Variants in LYPLA1 observed in about 807,000 individuals in gnomAD.
The protein encoded by LYPLA1 is lysophospholipase 1, also known as acyl-protein thioesterase 1.
LYPLA1 carries 17 observed loss-of-function variants against 34.0 expected under a neutral mutation model. The observed-to-expected ratio is 0.50, with a 90% CI of 0.34 to 0.75. The LOEUF (loss-of-function observed/expected upper bound fraction) is 0.75. LYPLA1 is among the 30% of genes least tolerant of loss of function. LYPLA1 has a pLI of 0.01. For missense variants in LYPLA1, 203 were observed against 288.8 expected (o/e 0.70, Z 2.15); for synonymous variants, 98 against 100.8 (o/e 0.97, Z 0.17).
chr8:54,101,088 T>TAA (rs2129377555), intron 1 of LYPLA1, 149 bp from the exon 2 acceptor site: 2 of 540,204 alleles, frequency 3.7e-6, no homozygotes, highest in South Asian at 4.1e-5. Flanking sequence ...TTTATCGACC[T>TAA]CTTTTAAATG....
intron 5 of LYPLA1, among the ~76,000 whole-genome samples, chr8:54,057,786 T>A (rs185325046): frequency 1.3e-3 from 191 of 152,272 alleles, no homozygotes; most frequent in Non-Finnish European, 1.7e-3. Context: ...GTGTACATTT[T>A]AAAATAACTT....
intron 2 of LYPLA1, among the ~76,000 whole-genome samples, chr8:54,070,381 G>T (rs1483375733): frequency 1.3e-5 from 2 of 152,044 alleles, no homozygotes; most frequent in South Asian, 2.1e-4. Flanking sequence ...GCAGTATTAC[G>T]CAACTTCAAG....
intron 7 of LYPLA1, among the ~76,000 whole-genome samples, chr8:54,051,708 G>A (rs771852984): frequency 2.3e-4 from 35 of 151,966 alleles, no homozygotes; most frequent in African/African-American, 8.0e-4. Context: ...CTTGGCCTCC[G>A]AAAGTGCTGG....
At chr8:54,050,867 A>T in intron 8 of LYPLA1, 145 bp downstream of exon 8, 2 of 740,912 alleles carry the variant, frequency 2.7e-6, no homozygotes, top group Non-Finnish European at 4.4e-6. Flanking sequence ...TAAGTTGAAT[A>T]CACACTCATC....
intron 8 of LYPLA1, among the ~76,000 whole-genome samples, chr8:54,049,991 T>C (rs1241342416): frequency 1.3e-5 from 2 of 152,286 alleles, no homozygotes; most frequent in East Asian, 3.9e-4. Flanking sequence ...ACCCATACTC[T>C]CAACACCTAA....
chr8:54,087,457 G>A (rs1212128965), intron 2 of LYPLA1, among the ~76,000 whole-genome samples: 1 of 152,122 alleles, frequency 6.6e-6, no homozygotes, highest in Non-Finnish European at 1.5e-5. Flanking sequence ...CCGAGATCAC[G>A]CCACTATATT....
chr8:54,077,036 A>G (rs1456545576), intron 2 of LYPLA1, among the ~76,000 whole-genome samples: 1 of 152,148 alleles, frequency 6.6e-6, no homozygotes, highest in African/African-American at 2.4e-5. Context: ...AGACACATGC[A>G]TACTTACTTT....
intron 2 of LYPLA1, among the ~76,000 whole-genome samples, chr8:54,085,757 G>A (rs1238082900): frequency 9.2e-6 from 1 of 108,726 alleles, no homozygotes; most frequent in Non-Finnish European, 1.9e-5. Context: ...CGCCCCGTCA[G>A]TTAGGTGGGG....
rs571612015 is a variant in LYPLA1 at position 54,096,967 on chromosome 8, A to G, written c.101+3941T>C. On this transcript the variant is annotated intron_variant, in intron 2 of 8. Transcript: ENST00000316963. ...AAATAAATCTGAGTCCATACTAACT[A>G]AATGGGGAGTAGCAGATTAATAAAC... Among the ~76,000 whole-genome samples the G allele has an allele frequency of 3.3e-5, 5 of 152,264 alleles. No homozygotes were observed. In the South Asian group the frequency reaches 1.0e-3, roughly 32 times the overall value.
At chr8:54,099,657 T>A (rs770003222) in intron 2 of LYPLA1, among the ~76,000 whole-genome samples, 1 of 151,268 alleles carries the variant, frequency 6.6e-6, no homozygotes, top group Non-Finnish European at 1.5e-5. Flanking sequence ...GCAGACCCTG[T>A]CTCCAAACAA....
In LYPLA1 at chr8:54,099,007, T is replaced by G. The variant is rs74552604; in HGVS notation, c.101+1901A>C. Among the ~76,000 whole-genome samples the G allele has an allele frequency of 7.7e-3, 1,168 of 152,338 alleles. 16 individuals carry two copies. Among genetic ancestry groups the G allele is most frequent in the African/African-American group, 0.026 (1,080 of 41,568 alleles). On this transcript the variant is annotated intron_variant, in intron 2 of 8. Transcript: ENST00000316963. ...CAACAGGTTAAAAAGAAGGATACTT[T>G]TTTAATATAAACTTAACTTTTGGTC...
chr8:54,043,468 G>A (rs972274077), downstream of LYPLA1, among the ~76,000 whole-genome samples: 1 of 151,978 alleles, frequency 6.6e-6, no homozygotes, highest in African/African-American at 2.4e-5. Flanking sequence ...TAGAGACGGG[G>A]TTTCACCATA....
chr8:54,086,028 T>C (rs560113333), intron 2 of LYPLA1, among the ~76,000 whole-genome samples: 2 of 152,326 alleles, frequency 1.3e-5, no homozygotes, highest in East Asian at 3.9e-4. Flanking sequence ...ATCAGATTGT[T>C]ACTGTCTGTG....
At chr8:54,045,512 C>T (rs1281500386), downstream of LYPLA1, 2 of 152,254 alleles carry the variant, frequency 1.3e-5, no homozygotes, top group Non-Finnish European at 1.5e-5. Context: ...TTTTATAAAA[C>T]GAACTGAAGT....
At chr8:54,085,915 C>T (rs1358719173) in intron 2 of LYPLA1, among the ~76,000 whole-genome samples, 1 of 152,068 alleles carries the variant, frequency 6.6e-6, no homozygotes, top group Non-Finnish European at 1.5e-5. Flanking sequence ...TGCCCGGCCT[C>T]CACCCTGTCT....
In LYPLA1 at chr8:54,049,745, C is replaced by G. The variant is rs148479583; in HGVS notation, c.639+1267G>C. ...GTCTTTCTCTGATCCCACTGAAGAA[C>G]AGATTTCCTACTCTTCTTCCTGTTT... On this transcript the variant is annotated intron_variant, in intron 8 of 8. Coordinates refer to ENST00000316963, the MANE Select transcript of LYPLA1 (RefSeq NM_006330.4). Among the ~76,000 whole-genome samples the G allele has an allele frequency of 1.4e-3, 206 of 152,282 alleles. 1 individual carries two copies. The highest frequency in any genetic ancestry group is 2.3e-3 in the African/African-American group (97 of 41,570).
In LYPLA1 at chr8:54,070,187, TGC is replaced by T. The variant is rs553003050; in HGVS notation, c.102-4376_102-4375del. Among the ~76,000 whole-genome samples, 49 of 152,318 alleles carry T rather than the reference TGC, an allele frequency of 3.2e-4. 2 individuals are homozygous for T. The South Asian group carries it at 0.01, about 32-fold the overall frequency. ...TGTCCAGTACAGATGTGGTGGCTCA[TGC>T]CTGTAAACCCAGCTACTCGGGAGGC... is the stretch of plus-strand genomic sequence containing the variant. On this transcript the variant is annotated intron_variant, in intron 2 of 8. Transcript: ENST00000316963.
chr8:54,078,824 T>C (rs1393378414), intron 2 of LYPLA1, among the ~76,000 whole-genome samples: 1 of 152,090 alleles, frequency 6.6e-6, no homozygotes, highest in Non-Finnish European at 1.5e-5. Context: ...AGTTATGAGC[T>C]ATATCAATTG....
intron 2 of LYPLA1, among the ~76,000 whole-genome samples, chr8:54,083,176 A>G (rs1193577981): frequency 1.3e-5 from 2 of 152,242 alleles, no homozygotes; most frequent in African/African-American, 2.4e-5. Context: ...CTTAAAAATC[A>G]GAGACAGAAA....
Sources: gnomAD v4.1 joint callset for allele counts (sites outside exome capture counted in the v4.1 genomes callset) on GRCh38, gnomAD v4.1.1 for gene constraint, MANE v1.5 for transcripts, NCBI Gene and HGNC (gene_info 2026-07-23, HGNC 2026-07-21) for gene names.